The following ANXA8 variants were observed in gnomAD, a reference collection of about 807,000 sequenced individuals.
ANXA8 encodes VAC-beta.
A neutral mutation model predicts 26.8 loss-of-function variants in ANXA8; 9 were observed. The ratio of observed to expected loss-of-function variants is 0.34; its 90% CI spans 0.20 to 0.59. The LOEUF (loss-of-function observed/expected upper bound fraction) is 0.59. Among genes scored for constraint, ANXA8 ranks in the 20% least tolerant of loss-of-function variants. ANXA8 has a pLI of 0.84. For missense variants in ANXA8, 83 were observed against 238.5 expected (o/e 0.35, Z 4.29); for synonymous variants, 39 against 94.8 (o/e 0.41, Z 3.42).
chr10:47,762,301 G>A, the ANXA8 span, among the ~76,000 whole-genome samples: 2 of 151,278 alleles, frequency 1.3e-5, no homozygotes, highest in Non-Finnish European at 2.9e-5. Context: ...GCTTCGCCCC[G>A]GGGGTGCTCA....
the ANXA8 span, among the ~76,000 whole-genome samples, chr10:47,932,363 T>TG: frequency 2.0e-5 from 3 of 150,830 alleles, no homozygotes; most frequent in Non-Finnish European, 4.4e-5. Context: ...ACTCAGTAAC[T>TG]GGGGGAAAAT....
At chr10:47,577,301 A>G in the ANXA8 span, among the ~76,000 whole-genome samples, 6 of 143,160 alleles carry the variant, frequency 4.2e-5, no homozygotes, top group African/African-American at 1.6e-4. Flanking sequence ...ACTTTTGGAG[A>G]CTGAAGTGGG....
chr10:47,944,312 C>T, the ANXA8 span, among the ~76,000 whole-genome samples: 1 of 148,568 alleles, frequency 6.7e-6, no homozygotes, highest in African/African-American at 2.6e-5. Context: ...AGGATTTCAG[C>T]ACATGCACTT....
the ANXA8 span, among the ~76,000 whole-genome samples, chr10:47,693,859 GT>G: frequency 8.7e-5 from 13 of 149,236 alleles, no homozygotes; most frequent in South Asian, 2.1e-4. Context: ...AAAAAAAAAT[GT>G]TTTTTTTCTT....
the ANXA8 span, among the ~76,000 whole-genome samples, chr10:47,768,845 C>T: frequency 2.0e-5 from 3 of 151,648 alleles, no homozygotes; most frequent in South Asian, 4.2e-4. Context: ...CAGCCGGGCT[C>T]CCTCAGATGC....
At chr10:47,766,863 T>C in the ANXA8 span, among the ~76,000 whole-genome samples, 1 of 149,284 alleles carries the variant, frequency 6.7e-6, no homozygotes, top group East Asian at 2.0e-4. Flanking sequence ...TCCCCGTGTC[T>C]GTGGAGCTGG....
At chr10:47,694,359 T>C in the ANXA8 span, among the ~76,000 whole-genome samples, 1 of 151,266 alleles carries the variant, frequency 6.6e-6, no homozygotes, top group Admixed American at 6.6e-5. Flanking sequence ...TGAACTTAGT[T>C]GGATAGCTTG....
chr10:47,957,595 C>T, the ANXA8 span, among the ~76,000 whole-genome samples: 1 of 149,682 alleles, frequency 6.7e-6, no homozygotes, highest in South Asian at 2.1e-4. Context: ...CTTAGGGCTG[C>T]CGTAACAAAT....
At chr10:47,631,219 T>C in the ANXA8 span, among the ~76,000 whole-genome samples, 2 of 151,072 alleles carry the variant, frequency 1.3e-5, no homozygotes, top group Non-Finnish European at 2.9e-5. Flanking sequence ...CAAGATGGTA[T>C]AGTACGAGAA....
chr10:47,710,244 G>C, the ANXA8 span: 1 of 1,517,208 alleles, frequency 6.6e-7, no homozygotes, highest in Non-Finnish European at 8.8e-7. Context: ...TAGTGACGTT[G>C]TACTTCAAGA....
the ANXA8 span, among the ~76,000 whole-genome samples, chr10:47,657,871 C>A: frequency 6.6e-6 from 1 of 151,176 alleles, no homozygotes; most frequent in Non-Finnish European, 1.5e-5. Flanking sequence ...CAAACATAGA[C>A]CTATTTATTG....
At chr10:47,745,761 T>C in the ANXA8 span, among the ~76,000 whole-genome samples, 35 of 135,206 alleles carry the variant, frequency 2.6e-4, 1 homozygote, top group African/African-American at 9.0e-4. Flanking sequence ...ACCTGAATTC[T>C]TCACCCCTCC....
the ANXA8 span, among the ~76,000 whole-genome samples, chr10:47,684,427 G>GA: frequency 6.6e-6 from 1 of 151,368 alleles, no homozygotes; most frequent in East Asian, 1.9e-4. Flanking sequence ...TTTTTTTGGG[G>GA]GGGGGGTGAG....
chr10:47,572,422 A>C, the ANXA8 span, among the ~76,000 whole-genome samples: 3 of 149,268 alleles, frequency 2.0e-5, no homozygotes, highest in African/African-American at 7.5e-5. Flanking sequence ...CTATATAAGA[A>C]TTTACCTGTT....
chr10:47,663,855 A>G, the ANXA8 span, among the ~76,000 whole-genome samples: 1 of 148,046 alleles, frequency 6.8e-6, no homozygotes, highest in African/African-American at 2.6e-5. Flanking sequence ...ATGATTGTGA[A>G]TTATTCCTTA....
chr10:47,487,120 C>T (rs1478877012), upstream of ANXA8: 573 of 1,376,142 alleles, frequency 4.2e-4, no homozygotes, highest in Middle Eastern at 7.7e-4. Context: ...GTAATAAATA[C>T]TTAAGTGTAC....
At chr10:47,663,229 G>A in the ANXA8 span, among the ~76,000 whole-genome samples, 5 of 148,418 alleles carry the variant, frequency 3.4e-5, no homozygotes, top group Non-Finnish European at 7.4e-5. Flanking sequence ...TAATTGTGTT[G>A]GGTGGTTTAG....
At chr10:47,697,189 A>T in the ANXA8 span, among the ~76,000 whole-genome samples, 5 of 152,214 alleles carry the variant, frequency 3.3e-5, no homozygotes, top group Admixed American at 1.3e-4. Context: ...CAGGATTTGA[A>T]TCCTGGCCCT....
chr10:47,597,158 AC>A, the ANXA8 span, among the ~76,000 whole-genome samples: 5 of 149,462 alleles, frequency 3.3e-5, no homozygotes, highest in South Asian at 2.1e-4. Flanking sequence ...ATGAAAAAAA[AC>A]ATAAGATTAT....
Sources: allele counts gnomAD v4.1 joint callset (sites outside exome capture counted in the v4.1 genomes callset), GRCh38; gene constraint gnomAD v4.1.1; transcripts MANE v1.5; gene names NCBI Gene and HGNC (gene_info 2026-07-23, HGNC 2026-07-21).